Variants in PAN3 observed in about 807,000 individuals in gnomAD.
The protein encoded by PAN3 is poly(A) specific ribonuclease subunit PAN3, also known as PAN2-PAN3 deadenylation complex subunit PAN3.
Under a neutral mutation model 96.2 loss-of-function variants are expected in PAN3, and 19 were observed. The observed-to-expected ratio is 0.20, with a 90% CI of 0.14 to 0.29. PAN3 has a LOEUF of 0.29. PAN3 is among the 10% of genes least tolerant of loss of function. PAN3 has a pLI of 1.00. For synonymous variants in PAN3, 433 were observed against 406.6 expected (o/e 1.06, Z -0.78); for missense variants, 882 against 1,108.1 (o/e 0.80, Z 2.90).
chr13:28,193,651 G>T (rs934638916), intron 4 of PAN3, among the ~76,000 whole-genome samples: 3 of 149,440 alleles, frequency 2.0e-5, no homozygotes, highest in African/African-American at 7.4e-5. Context: ...GCTGAGGTGG[G>T]AGGATCTCTT....
At chr13:28,270,985 G>A in intron 13 of PAN3, 119 bp downstream of exon 13, 1 of 1,014,698 alleles carries the variant, frequency 9.9e-7, no homozygotes, top group South Asian at 2.1e-5. Context: ...AAGAACTTCT[G>A]TAACTTTGAA....
intron 5 of PAN3, among the ~76,000 whole-genome samples, chr13:28,213,125 G>A (rs1880255597): frequency 1.3e-5 from 2 of 151,660 alleles, no homozygotes; most frequent in South Asian, 2.1e-4. Context: ...CATGGACCGG[G>A]GGAAGAAAAA....
intron 17 of PAN3, among the ~76,000 whole-genome samples, chr13:28,286,286 TC>T (rs560875414): frequency 6.6e-6 from 1 of 152,322 alleles, no homozygotes; most frequent in African/African-American, 2.4e-5. Context: ...TAGGGTGTCA[TC>T]CAGCACTCCT....
chr13:28,288,068 A>G lies in PAN3; in HGVS notation c.2469A>G (p.Thr823=). 6.2e-7 allele frequency: 1 copy of G among 1,613,794 alleles called. No homozygotes were observed. The highest frequency in any genetic ancestry group is 8.5e-7 in the Non-Finnish European group (1 of 1,179,738). ...GGGATCATCTTTTTCATCAGGTGACAGAAGCAGGTGCTCCCTGGATTGACC... is the reference window on the plus strand; with the variant it reads ...GGGATCATCTTTTTCATCAGGTGACGGAAGCAGGTGCTCCCTGGATTGACC... ...LFRDHLFHQV[T]EAGAPWIDLS... is the part of the protein sequence containing the mutation. Residue 823 remains threonine, a synonymous_variant, in exon 18 of 19, where the codon ACA becomes ACG. Transcript: ENST00000380958.
At chr13:28,212,627 A>G (rs918681434) in intron 5 of PAN3, among the ~76,000 whole-genome samples, 2 of 152,254 alleles carry the variant, frequency 1.3e-5, no homozygotes, top group African/African-American at 2.4e-5. Flanking sequence ...ATGTTAGTAC[A>G]GGAGTGAAAC....
chr13:28,195,609 C>T (rs1479595223), intron 4 of PAN3, among the ~76,000 whole-genome samples: 1 of 152,054 alleles, frequency 6.6e-6, no homozygotes, highest in African/African-American at 2.4e-5. Flanking sequence ...GATCTCGGCT[C>T]ACTGCAGTCT....
intron 1 of PAN3, among the ~76,000 whole-genome samples, chr13:28,141,370 T>TA (rs1438537536): frequency 2.8e-4 from 43 of 151,596 alleles, no homozygotes; most frequent in African/African-American, 6.5e-4. Flanking sequence ...ATTCTCTTTT[T>TA]AAAAAAAACT....
chr13:28,221,872 A>G (rs1881447374), intron 6 of PAN3, among the ~76,000 whole-genome samples: 3 of 152,202 alleles, frequency 2.0e-5, no homozygotes, highest in African/African-American at 7.2e-5. Flanking sequence ...CATTGTTTAC[A>G]TGAGCATAAT....
chr13:28,202,279 G>T (rs1245967025), intron 5 of PAN3, among the ~76,000 whole-genome samples: 1 of 152,104 alleles, frequency 6.6e-6, no homozygotes, highest in Non-Finnish European at 1.5e-5. Context: ...TAAATCTTGA[G>T]ATTTTCCTGC....
At chr13:28,199,483 C>A (rs1263523847) in intron 5 of PAN3, among the ~76,000 whole-genome samples, 1 of 152,000 alleles carries the variant, frequency 6.6e-6, no homozygotes, top group African/African-American at 2.4e-5. Context: ...TCAGGTAGTT[C>A]TTTTCCTTTA....
intron 15 of PAN3, among the ~76,000 whole-genome samples, chr13:28,279,585 C>G (rs1887302786): frequency 6.6e-6 from 1 of 151,786 alleles, no homozygotes; most frequent in South Asian, 2.1e-4. Flanking sequence ...TGGTGAAACC[C>G]TGTCTCTATT....
At chr13:28,211,764 C>G (rs1880062932) in intron 5 of PAN3, among the ~76,000 whole-genome samples, 1 of 152,136 alleles carries the variant, frequency 6.6e-6, no homozygotes. Flanking sequence ...TGAACAAAAA[C>G]ATATGTAACA....
In PAN3 at chr13:28,220,349, G is replaced by A; in HGVS notation, c.971G>A (p.Gly324Glu). The A allele has an allele frequency of 6.2e-7, 1 of 1,613,714 alleles. No individual in the cohort carries two copies. Among genetic ancestry groups the A allele is most frequent in the East Asian group, 2.2e-5 (1 of 44,852 alleles). The change falls in exon 6 of 19, where the codon GGA (glycine) becomes GAA (glutamate). Residue 324 changes from glycine to glutamate, a missense_variant. Gly to Glu is a moderately conservative substitution (Grantham distance 98). This residue lies in a region of PAN3 where 442 missense variants were observed against 422.8 expected (regional missense o/e 1.05). Coordinates refer to ENST00000380958, the MANE Select transcript of PAN3 (RefSeq NM_175854.8). ...CAAGTTTTCTCTCACCCATCCATGGGAAGCCCTGCTACTGCTGGATTAGCG... is the reference window on the plus strand; with the variant it reads ...CAAGTTTTCTCTCACCCATCCATGGAAAGCCCTGCTACTGCTGGATTAGCG... ...FSQVFSHPSM[G>E]SPATAGLAPG...
At chr13:28,245,939 T>C (rs1884141025) in intron 6 of PAN3, among the ~76,000 whole-genome samples, 1 of 152,214 alleles carries the variant, frequency 6.6e-6, no homozygotes. Context: ...ATTTGGATTA[T>C]TTCCACTTTT....
intron 1 of PAN3, among the ~76,000 whole-genome samples, chr13:28,141,492 A>T (rs1318397458): frequency 6.5e-5 from 4 of 61,630 alleles, no homozygotes; most frequent in Non-Finnish European, 9.2e-5. Context: ...TTTGAGACGG[A>T]GTTTCACTCT....
chr13:28,202,956 T>A (rs1324930878), intron 5 of PAN3, among the ~76,000 whole-genome samples: 1 of 152,204 alleles, frequency 6.6e-6, no homozygotes, highest in Non-Finnish European at 1.5e-5. Context: ...TTTTTCTTTC[T>A]TTCTTTCTTA....
intron 4 of PAN3, among the ~76,000 whole-genome samples, chr13:28,183,250 GT>G (rs1876030573): frequency 6.6e-6 from 1 of 152,110 alleles, no homozygotes; most frequent in Non-Finnish European, 1.5e-5. Flanking sequence ...TAAAATGACT[GT>G]TTTTAGGTTC....
intron 1 of PAN3, among the ~76,000 whole-genome samples, chr13:28,145,266 T>C (rs897412906): frequency 3.3e-5 from 5 of 152,006 alleles, no homozygotes; most frequent in African/African-American, 1.2e-4. Context: ...TGTGTGTGTA[T>C]GTGTGTACAT....
At chr13:28,247,893 T>G (rs1566225442) in intron 6 of PAN3, among the ~76,000 whole-genome samples, 1 of 152,206 alleles carries the variant, frequency 6.6e-6, no homozygotes, top group Non-Finnish European at 1.5e-5. Context: ...TCAGAATGCT[T>G]TGGCTATTCA....
Sources: allele counts gnomAD v4.1 joint callset (sites outside exome capture counted in the v4.1 genomes callset), GRCh38; gene constraint gnomAD v4.1.1; regional missense constraint gnomAD v4.1.1; transcripts MANE v1.5; gene names NCBI Gene and HGNC (gene_info 2026-07-23, HGNC 2026-07-21).